The following FDFT1 variants were observed in gnomAD, a reference collection of about 807,000 sequenced individuals.
FDFT1 encodes squalene synthase.
In FDFT1, 68 loss-of-function variants were observed where a neutral mutation model predicts 46.8. The observed-to-expected ratio is 1.45, with a 90% confidence interval of 1.19 to 1.78. FDFT1 has a LOEUF of 1.78. FDFT1 is among the 40% of genes most tolerant of loss of function. FDFT1 has a pLI of 0.00. For synonymous variants in FDFT1, 351 were observed against 185.1 expected, an observed-to-expected ratio of 1.90 and a Z score of -7.28; for missense variants, 928 against 524.4, an observed-to-expected ratio of 1.77 and a Z score of -7.52.
At chr8:11,810,433 A>T (rs1398895622) in intron 3 of FDFT1, among the ~76,000 whole-genome samples, 1 of 152,080 alleles carries the variant, frequency 6.6e-6, no homozygotes, top group African/African-American at 2.4e-5. Context: ...CTGCCACTTC[A>T]CCTGTGATCC....
chr8:11,812,820 T>C (rs1455889145), intron 3 of FDFT1, among the ~76,000 whole-genome samples: 2 of 152,232 alleles, frequency 1.3e-5, no homozygotes, highest in Non-Finnish European at 2.9e-5. Flanking sequence ...TGATCATTAG[T>C]TGATACCAGT....
chr8:11,838,412 G>T lies in FDFT1; in HGVS notation c.1057G>T (p.Asp353Tyr), dbSNP rs749678951. 25 of 1,613,622 alleles carry T rather than the reference G, an allele frequency of 1.5e-5. No individual in the cohort carries two copies. In the Admixed American group the frequency reaches 4.2e-4, roughly 27 times the overall value. ...GATTTATCATAGAATCCCCGACTCAGACCCATCTTCTAGCAAAACAAGGCA... is the reference window on the plus strand; with the variant it reads ...GATTTATCATAGAATCCCCGACTCATACCCATCTTCTAGCAAAACAAGGCA... Reference protein sequence around the residue: ...EEIYHRIPDSDPSSSKTRQII... With the variant: ...EEIYHRIPDSYPSSSKTRQII... The change falls in exon 8 of 8, where the codon GAC (aspartate) becomes TAC (tyrosine). Residue 353 changes from aspartate (D) to tyrosine (Y), a missense_variant. Transcript: ENST00000220584.
intron 6 of FDFT1, among the ~76,000 whole-genome samples, chr8:11,831,272 T>G (rs1300841301): frequency 6.6e-6 from 1 of 152,258 alleles, no homozygotes; most frequent in East Asian, 1.9e-4. Context: ...AAAATGGAAC[T>G]TTTGTGGCTA....
intron 1 of FDFT1, 46 bp from the exon 2 acceptor site, chr8:11,808,744 ACTCC>A: frequency 3.0e-6 from 4 of 1,316,190 alleles, no homozygotes; most frequent in Non-Finnish European, 3.1e-6. Flanking sequence ...TCCCACTCCC[ACTCC>A]TGCTCCTCGA....
rs545444646 is a variant in FDFT1 at position 11,797,060 on chromosome 8, G to T, written c.-94+1049G>T. On this transcript the variant is annotated intron_variant, in intron 1 of 7. Coordinates refer to the FDFT1 transcript ENST00000538689. The stretch of plus-strand genomic sequence containing the variant: ...AGGGTAGTAACTTCTGGGTTGTTGG[G>T]TCATTGCCATGGAAAGGGGTGGTAA... 5.9e-5 allele frequency among the ~76,000 whole-genome samples: 9 copies of T among 152,342 alleles called. No homozygotes were observed. In the South Asian group the frequency reaches 1.9e-3, roughly 32 times the overall value.
intron 3 of FDFT1, among the ~76,000 whole-genome samples, chr8:11,814,580 G>A (rs1055140959): frequency 1.3e-5 from 2 of 152,056 alleles, no homozygotes; most frequent in Non-Finnish European, 2.9e-5. Flanking sequence ...TTTTTGTATT[G>A]TATTTTGCTA....
chr8:11,826,157 A>T lies in FDFT1; in HGVS notation c.644A>T (p.Asn215Ile). 6.2e-7 allele frequency: 1 copy of T among 1,603,922 alleles called. No homozygotes were observed. The highest frequency in any genetic ancestry group is 8.5e-7 in the Non-Finnish European group (1 of 1,172,210). ...NSMGLFLQKT[N>I]IIRDYLEDQQ... ...ATGGGCCTGTTTTTGCAGAAAACAA[A>T]CATCATCCGTGACTATCTGGAAGAC... The change falls in exon 5 of 8, where the codon AAC becomes ATC. Residue 215 changes from asparagine (N) to isoleucine (I), a missense_variant. Physicochemically the swap from Asn to Ile is moderately radical, Grantham distance 149. Coordinates refer to ENST00000220584, the MANE Select transcript of FDFT1 (RefSeq NM_004462.5).
At chr8:11,804,970 C>T (rs1203286507) in intron 1 of FDFT1, among the ~76,000 whole-genome samples, 1 of 145,576 alleles carries the variant, frequency 6.9e-6, no homozygotes, top group South Asian at 2.3e-4. Context: ...ATGCTGTGGC[C>T]TGAACATGAC....
intron 3 of FDFT1, among the ~76,000 whole-genome samples, chr8:11,815,688 C>G (rs983176700): frequency 6.6e-6 from 1 of 152,194 alleles, no homozygotes; most frequent in Non-Finnish European, 1.5e-5. Flanking sequence ...AGTGTCTGTT[C>G]ATATCCTTTG....
chr8:11,821,466 C>G (rs541707862), intron 3 of FDFT1, among the ~76,000 whole-genome samples: 1 of 152,176 alleles, frequency 6.6e-6, no homozygotes, highest in Non-Finnish European at 1.5e-5. Context: ...TGGTGCATGC[C>G]TGTAATGCCA....
chr8:11,795,665 A>C (rs549341021), exon 1 of FDFT1: 3 of 152,098 alleles, frequency 2.0e-5, no homozygotes, highest in Admixed American at 6.6e-5. Context: ...TTCGGTCTGC[A>C]CTGCCTTTAT....
intron 4 of FDFT1, among the ~76,000 whole-genome samples, chr8:11,823,475 T>A (rs758030104): frequency 6.6e-6 from 1 of 152,230 alleles, no homozygotes; most frequent in African/African-American, 2.4e-5. Flanking sequence ...TTTCACTCTT[T>A]TCATGTTACT....
chr8:11,798,695 C>G (rs1210932179), upstream of FDFT1, among the ~76,000 whole-genome samples: 2 of 152,194 alleles, frequency 1.3e-5, no homozygotes, highest in Admixed American at 6.5e-5. Context: ...TGTTTAGGCA[C>G]CATCGTGTCC....
intron 3 of FDFT1, among the ~76,000 whole-genome samples, chr8:11,813,977 T>G (rs1161841548): frequency 1.3e-5 from 2 of 152,250 alleles, no homozygotes; most frequent in East Asian, 3.8e-4. Flanking sequence ...TTGTTTTTAC[T>G]TTTAGAACTG....
rs937395981 is a variant in FDFT1, at chr8:11,838,419, C to G, written c.1064C>G (p.Ser355Cys). ...IYHRIPDSDP[S>C]SSKTRQIIST... ...CATAGAATCCCCGACTCAGACCCATCTTCTAGCAAAACAAGGCAGATCATC... is the reference window on the plus strand; with the variant it reads ...CATAGAATCCCCGACTCAGACCCATGTTCTAGCAAAACAAGGCAGATCATC... Residue 355 changes from serine (S) to cysteine (C), a missense_variant, in exon 8 of 8, where the codon TCT (serine) becomes TGT (cysteine). By Grantham distance (112) the Ser-to-Cys change is moderately radical. Coordinates refer to ENST00000220584, the MANE Select transcript of FDFT1 (RefSeq NM_004462.5). 10 of 1,613,130 alleles carry G rather than the reference C, an allele frequency of 6.2e-6. No individual in the cohort carries two copies. In the East Asian group the frequency reaches 2.0e-4, roughly 32 times the overall value.
At chr8:11,832,537 G>C (rs902014104) in intron 7 of FDFT1, among the ~76,000 whole-genome samples, 12 of 65,274 alleles carry the variant, frequency 1.8e-4, no homozygotes, top group Non-Finnish European at 6.6e-5. Flanking sequence ...GGGTGATAGA[G>C]TGAGACTTTG....
At chr8:11,803,363 CCT>C in intron 1 of FDFT1, 2 of 1,290,270 alleles carry the variant, frequency 1.6e-6, no homozygotes, top group South Asian at 1.2e-5. Context: ...AAGTCTGACT[CCT>C]CCAGTTTCAC....
chr8:11,802,937 C>A lies in FDFT1; in HGVS notation c.99+6C>A, dbSNP rs749305078. 6.3e-7 allele frequency: 1 copy of A among 1,598,952 alleles called. No individual in the cohort carries two copies. The highest frequency in any genetic ancestry group is 8.5e-7 in the Non-Finnish European group (1 of 1,172,704). On this transcript the variant is annotated splice_donor_region_variant and intron_variant, in intron 1 of 7. Transcript: ENST00000220584. ...TGATGCCCAAGATGGACCAGGTGGGCCGAGCCTCCCTGCTTGCCCGGGGCG... is the reference window on the plus strand; with the variant it reads ...TGATGCCCAAGATGGACCAGGTGGGACGAGCCTCCCTGCTTGCCCGGGGCG...
At chr8:11,810,084 G>A (rs1358122868) in intron 3 of FDFT1, 1 of 481,376 alleles carries the variant, frequency 2.1e-6, no homozygotes, top group African/African-American at 2.0e-5. Flanking sequence ...CTGTGCCTCA[G>A]TTTCTTCATC....
Sources: allele counts gnomAD v4.1 joint callset (sites outside exome capture counted in the v4.1 genomes callset), GRCh38; gene constraint gnomAD v4.1.1; transcripts MANE v1.5; gene names NCBI Gene and HGNC (gene_info 2026-07-23, HGNC 2026-07-21).